CD6: variants seen among roughly 807,000 people sequenced by gnomAD.
The protein encoded by CD6 is T-cell differentiation antigen CD6.
CD6 carries 53 observed loss-of-function variants against 75.3 expected under a neutral mutation model. The ratio of observed to expected loss-of-function variants is 0.70; its 90% CI spans 0.56 to 0.88. CD6 has a LOEUF of 0.88. Among genes scored for constraint, CD6 ranks in the 40% least tolerant of loss-of-function variants. The pLI is 0.00. For synonymous variants in CD6, 359 were observed against 381.5 expected (o/e 0.94, Z 0.69); for missense variants, 770 against 897.1 (o/e 0.86, Z 1.81).
At chr11:61,008,506 A>G (rs757560492) in intron 3 of CD6, 28 bp from the exon 4 acceptor site, 7 of 1,540,276 alleles carry the variant, frequency 4.5e-6, no homozygotes, top group Non-Finnish European at 5.3e-6. Flanking sequence ...CGGGTGCCCC[A>G]GCATCCACAA....
At chr11:60,987,107 CA>C (rs563199432) in intron 1 of CD6, among the ~76,000 whole-genome samples, 1 of 151,854 alleles carries the variant, frequency 6.6e-6, no homozygotes. Flanking sequence ...GACTCCATCT[CA>C]AAAAAACAAA....
At chr11:60,994,865 C>T (rs917086929) in intron 1 of CD6, among the ~76,000 whole-genome samples, 14 of 152,182 alleles carry the variant, frequency 9.2e-5, no homozygotes, top group African/African-American at 3.4e-4. Flanking sequence ...CCTCTGGGCG[C>T]CAGGGGAGAG....
chr11:60,996,959 C>T lies in CD6; in HGVS notation c.50-9615C>T, dbSNP rs560947273. 4.6e-5 allele frequency among the ~76,000 whole-genome samples: 7 copies of T among 152,328 alleles called. No individual in the cohort carries two copies. In the East Asian group the frequency reaches 1.2e-3, roughly 25 times the overall value. ...GCAAAGTGACTGGCCAAAGGTCACTCCACTAATAAGGAACAGAGCTGGACT... is the reference window on the plus strand; with the variant it reads ...GCAAAGTGACTGGCCAAAGGTCACTTCACTAATAAGGAACAGAGCTGGACT... On this transcript the variant is annotated intron_variant, in intron 1 of 12. Coordinates refer to ENST00000313421, the MANE Select transcript of CD6 (RefSeq NM_006725.5).
chr11:60,996,487 A>G (rs1371728856), intron 1 of CD6, among the ~76,000 whole-genome samples: 1 of 152,248 alleles, frequency 6.6e-6, no homozygotes, highest in Non-Finnish European at 1.5e-5. Context: ...GTTTCCGGAC[A>G]GCTCCCTGAA....
Position 61,006,760 on chromosome 11 carries a change from C to T in CD6, c.118+118C>T, listed in dbSNP as rs137922382. On this transcript the variant is annotated intron_variant, in intron 2 of 12. Coordinates refer to ENST00000313421, the MANE Select transcript of CD6 (RefSeq NM_006725.5). Reference sequence around the variant, plus strand: ...AGGGAGGCTCCCTGACTTCAGACAACACTTCTTCCTGACCCATCACCTGAA... The same window carrying T: ...AGGGAGGCTCCCTGACTTCAGACAATACTTCTTCCTGACCCATCACCTGAA... The T allele has an allele frequency of 2.0e-4, 155 of 789,186 alleles. No homozygotes were observed. The African/African-American group carries it at 2.5e-3, about 13-fold the overall frequency. The allele number at this position is 789,186 out of a possible 1,614,324, so 48.9% of individuals were successfully genotyped here.
chr11:60,975,307 A>T (rs1857324194), intron 1 of CD6, among the ~76,000 whole-genome samples: 1 of 152,222 alleles, frequency 6.6e-6, no homozygotes, highest in Non-Finnish European at 1.5e-5. Context: ...ACGCATTTAA[A>T]ATGTGATGAT....
At chr11:61,003,420 G>A (rs1858691317) in intron 1 of CD6, among the ~76,000 whole-genome samples, 1 of 152,178 alleles carries the variant, frequency 6.6e-6, no homozygotes, top group Non-Finnish European at 1.5e-5. Flanking sequence ...AAAAGTGTGA[G>A]GCACAGGGCC....
intron 5 of CD6, among the ~76,000 whole-genome samples, chr11:61,010,100 A>T (rs1859075459): frequency 6.6e-6 from 1 of 152,240 alleles, no homozygotes; most frequent in Non-Finnish European, 1.5e-5. Flanking sequence ...ATATGAAGAC[A>T]TTATATGCTA....
chr11:60,991,555 A>G (rs659101), intron 1 of CD6, among the ~76,000 whole-genome samples: 15,513 of 151,146 alleles, frequency 0.1, 1,075 homozygotes, highest in Non-Finnish European at 0.16. Flanking sequence ...ATGCACACAT[A>G]TTCATCTTTC....
chr11:61,005,411 C>G (rs1464471560), intron 1 of CD6, among the ~76,000 whole-genome samples: 1 of 152,202 alleles, frequency 6.6e-6, no homozygotes, highest in African/African-American at 2.4e-5. Flanking sequence ...CTCACTTCTG[C>G]CTAGCTCTGC....
rs149536568 is a variant in CD6 at position 61,008,718 on chromosome 11, C to T, written c.654C>T (p.Pro218=). The part of the protein sequence containing the change: ...VQALPGLHFT[P]GRGPIHRDQV... ...CCCTGCCCGGCTTGCACTTCACGCC[C>T]GGCCGCGGGCCTATCCACCGGGACC... is the stretch of plus-strand genomic sequence containing the variant. Residue 218 remains proline, a synonymous_variant, in exon 4 of 13, where the codon CCC becomes CCT. Coordinates refer to ENST00000313421, the MANE Select transcript of CD6 (RefSeq NM_006725.5). The T allele has an allele frequency of 8.5e-4, 1,368 of 1,607,880 alleles. 16 individuals are homozygous for T. The South Asian group carries it at 0.014, about 16-fold the overall frequency.
intron 6 of CD6, 70 bp downstream of exon 6, chr11:61,011,205 T>TGTC (rs1859134903): frequency 3.5e-6 from 1 of 289,528 alleles, no homozygotes; most frequent in African/African-American, 4.4e-5. Flanking sequence ...GTGTGTGTGT[T>TGTC]CCTGTGCACA....
rs749584244 is a variant in CD6, at chr11:61,007,690, C to T, written c.249C>T (p.Cys83=). 24 of 1,416,042 alleles carry T rather than the reference C, an allele frequency of 1.7e-5. No homozygotes were observed. In the South Asian group the frequency reaches 3.4e-4, roughly 20 times the overall value. 87.7% of individuals were successfully genotyped at this position (1,416,042 alleles called of 1,614,324 possible). ...LWDSRAAEAV[C]RALGCGGAEA... ...ACAGCCGCGCCGCCGAGGCCGTGTGCCGAGCACTGGGCTGCGGCGGGGCGG... is the reference window on the plus strand; with the variant it reads ...ACAGCCGCGCCGCCGAGGCCGTGTGTCGAGCACTGGGCTGCGGCGGGGCGG... The change falls in exon 3 of 13, where the codon TGC becomes TGT. Residue 83 remains cysteine (C), a synonymous_variant. Coordinates refer to ENST00000313421, the MANE Select transcript of CD6 (RefSeq NM_006725.5). The surrounding 1 kb of genome is among the most constrained non-coding windows in gnomAD (Gnocchi z 4.2).
intron 1 of CD6, among the ~76,000 whole-genome samples, chr11:60,993,920 G>T (rs1188820540): frequency 6.6e-6 from 1 of 152,184 alleles, no homozygotes; most frequent in Non-Finnish European, 1.5e-5. Context: ...TCACTTTCTT[G>T]GGAGAGGAGG....
Position 61,007,028 on chromosome 11 carries a change from G to A in CD6, c.118+386G>A, listed in dbSNP as rs1858894187. 6.6e-6 allele frequency among the ~76,000 whole-genome samples: 1 copy of A among 152,092 alleles called. No individual in the cohort carries two copies. The highest frequency in any genetic ancestry group is 1.5e-5 in the Non-Finnish European group (1 of 67,992). On this transcript the variant is annotated intron_variant, in intron 2 of 12. Coordinates refer to ENST00000313421, the MANE Select transcript of CD6 (RefSeq NM_006725.5). The surrounding 1 kb of genome is among the most constrained non-coding windows in gnomAD (Gnocchi z 4.2). ...CAATCCTGGGCTAAAAGGGGCAGGT[G>A]GTTCCCATAGAAGGGGTTCTGGGGA...
rs758752633 is a variant in CD6 at position 61,008,722 on chromosome 11, C to A, written c.658C>A (p.Arg220Ser). ...ALPGLHFTPG[R>S]GPIHRDQVNC... Reference sequence around the variant, plus strand: ...GCCCGGCTTGCACTTCACGCCCGGCCGCGGGCCTATCCACCGGGACCAGGT... The same window carrying A: ...GCCCGGCTTGCACTTCACGCCCGGCAGCGGGCCTATCCACCGGGACCAGGT... The change falls in exon 4 of 13, where the codon CGC becomes AGC. Residue 220 changes from arginine to serine, a missense_variant. Coordinates refer to ENST00000313421, the MANE Select transcript of CD6 (RefSeq NM_006725.5). The A allele has an allele frequency of 3.7e-5, 60 of 1,608,238 alleles. 1 individual carries two copies. The highest frequency in any genetic ancestry group is 3.8e-5 in the Non-Finnish European group (45 of 1,177,848).
chr11:61,010,013 T>A, intron 5 of CD6, 139 bp downstream of exon 5: 1 of 795,080 alleles, frequency 1.3e-6, no homozygotes, highest in South Asian at 2.0e-5. Flanking sequence ...CTGTTGTCCT[T>A]ACGGTGCCCA....
At chr11:60,999,763 AG>A (rs1282142052) in intron 1 of CD6, among the ~76,000 whole-genome samples, 1 of 152,096 alleles carries the variant, frequency 6.6e-6, no homozygotes, top group African/African-American at 2.4e-5. Context: ...GAAACAGCAC[AG>A]GGTCGGGTTC....
In CD6 at chr11:61,009,745, C is replaced by T; in HGVS notation, c.955C>T (p.Pro319Ser). The change falls in exon 5 of 13, where the codon CCC becomes TCC. Residue 319 changes from proline to serine, a missense_variant. Physicochemically the swap from Pro to Ser is moderately conservative, Grantham distance 74. Coordinates refer to ENST00000313421, the MANE Select transcript of CD6 (RefSeq NM_006725.5). ...GTAVERPKGL[P>S]HSLSGRMYYS... ...TGCGGTTGAGAGGCCCAAGGGGCTG[C>T]CCCACTCCTTGTCCGGCAGGATGTA... 1 of 1,613,958 alleles carries T rather than the reference C, an allele frequency of 6.2e-7. No individual in the cohort carries two copies. The highest frequency in any genetic ancestry group is 8.5e-7 in the Non-Finnish European group (1 of 1,179,982).
Sources: gnomAD v4.1 joint callset for allele counts (sites outside exome capture counted in the v4.1 genomes callset) on GRCh38, gnomAD v4.1.1 for gene constraint, Gnocchi (gnomAD v3.1) non-coding constraint, MANE v1.5 for transcripts, NCBI Gene and HGNC (gene_info 2026-07-23, HGNC 2026-07-21) for gene names.